KLF12: variants seen among roughly 807,000 people sequenced by gnomAD.
KLF12 encodes KLF transcription factor 12, also known as Krueppel-like factor 12.
A neutral mutation model predicts 37.8 loss-of-function variants in KLF12; 9 were observed. The ratio of observed to expected loss-of-function variants is 0.24; its 90% CI spans 0.14 to 0.42. The LOEUF (loss-of-function observed/expected upper bound fraction) is 0.42, where lower values mean the gene tolerates loss of function less well. Among genes scored for constraint, KLF12 ranks in the 10% least tolerant of loss-of-function variants. The pLI is 1.00. For missense variants in KLF12, 411 were observed against 516.0 expected, an observed-to-expected ratio of 0.80 and a Z score of 1.97; for synonymous variants, 208 against 202.1, an observed-to-expected ratio of 1.03 and a Z score of -0.25.
the KLF12 span, among the ~76,000 whole-genome samples, chr13:74,185,372 G>T: frequency 6.6e-6 from 1 of 152,272 alleles, no homozygotes; most frequent in African/African-American, 2.4e-5. Flanking sequence ...ATGGAGTGAG[G>T]CTGCCACATA....
chr13:73,915,816 G>A (rs1888801200), intron 3 of KLF12, among the ~76,000 whole-genome samples: 1 of 151,076 alleles, frequency 6.6e-6, no homozygotes, highest in Admixed American at 6.6e-5. Context: ...ACAGGCGTGA[G>A]CCACGGCGCC....
the KLF12 span, among the ~76,000 whole-genome samples, chr13:74,280,293 T>C: frequency 6.6e-6 from 1 of 152,198 alleles, no homozygotes; most frequent in Non-Finnish European, 1.5e-5. Flanking sequence ...TATGGTCTAA[T>C]GATCTTTTTG....
rs1891320603 is a variant in KLF12 at position 73,971,019 on chromosome 13, GT to G, written c.33+23970del. Among the ~76,000 whole-genome samples the G allele has an allele frequency of 3.3e-5, 5 of 152,218 alleles. No individual in the cohort carries two copies. In the South Asian group the frequency reaches 1.0e-3, roughly 32 times the overall value. On this transcript the variant is annotated intron_variant, in intron 2 of 7. Transcript: ENST00000377669. ...TTGAAAAACAGAAAAGTTGTCAGTA[GT>G]TTTCAAAGTTAAATTTTTATGGATT... is the stretch of plus-strand genomic sequence containing the variant.
At chr13:74,292,492 T>G in the KLF12 span, among the ~76,000 whole-genome samples, 1 of 152,000 alleles carries the variant, frequency 6.6e-6, no homozygotes, top group Non-Finnish European at 1.5e-5. Flanking sequence ...AACTTTGTTA[T>G]GTCCATAAGG....
intron 1 of KLF12, among the ~76,000 whole-genome samples, chr13:74,018,125 G>A (rs1892748534): frequency 1.3e-5 from 2 of 150,804 alleles, no homozygotes; most frequent in South Asian, 4.2e-4. Flanking sequence ...ACACGATTCA[G>A]CCATAATAAA....
At chr13:73,767,643 C>T (rs186035609) in intron 5 of KLF12, among the ~76,000 whole-genome samples, 151 of 152,358 alleles carry the variant, frequency 9.9e-4, no homozygotes, top group African/African-American at 3.3e-3. Context: ...TGTGTACCAA[C>T]TGTTCTATTT....
intron 6 of KLF12, among the ~76,000 whole-genome samples, chr13:73,756,092 C>CT (rs1357345014): frequency 6.6e-6 from 1 of 152,064 alleles, no homozygotes; most frequent in Non-Finnish European, 1.5e-5. Flanking sequence ...AGTCTTACCT[C>CT]TTGGGGATTC....
rs575328442 is a variant in KLF12 at position 73,901,744 on chromosome 13, G to A, written c.123+42237C>T. 7.2e-5 allele frequency among the ~76,000 whole-genome samples: 11 copies of A among 152,220 alleles called. No individual in the cohort carries two copies. In the East Asian group the frequency reaches 7.7e-4, roughly 11 times the overall value. ...GTTCCTTCTCTCCATTCTAAGCTCC[G>A]GAGGTCAGTGGCTTTCTAAAGTAAA... is the stretch of plus-strand genomic sequence containing the variant. On this transcript the variant is annotated intron_variant, in intron 3 of 7. Coordinates refer to ENST00000377669, the MANE Select transcript of KLF12 (RefSeq NM_007249.5).
At chr13:73,823,727 TG>T (rs1164750961) in intron 4 of KLF12, among the ~76,000 whole-genome samples, 1 of 151,788 alleles carries the variant, frequency 6.6e-6, no homozygotes, top group Admixed American at 6.6e-5. Context: ...TTCTTTTTTT[TG>T]AGAGAGAGTT....
chr13:73,780,133 C>A, intron 5 of KLF12, among the ~76,000 whole-genome samples: 3 of 152,304 alleles, frequency 2.0e-5, no homozygotes, highest in Middle Eastern at 6.8e-3. Context: ...CAATTTCAGA[C>A]TCCCACACCA....
chr13:74,009,679 C>T (rs1892501103), intron 1 of KLF12, among the ~76,000 whole-genome samples: 1 of 152,148 alleles, frequency 6.6e-6, no homozygotes. Context: ...ATGTATGGTC[C>T]TATAAGTACA....
the KLF12 span, among the ~76,000 whole-genome samples, chr13:74,152,922 AT>A: frequency 1.1e-4 from 16 of 148,248 alleles, no homozygotes; most frequent in South Asian, 6.3e-4. Flanking sequence ...AATAATAATA[AT>A]AATAATAAAA....
At position 73,744,588 on chromosome 13, in the gene KLF12, T is replaced by C. The variant is rs537801212; in HGVS notation, c.869+20350A>G. The stretch of plus-strand genomic sequence containing the variant: ...TCTAGTAATGGGGGGTTGTGGGGGG[T>C]GGCAGCAACAGCAAATGAAGCCAGA... On this transcript the variant is annotated intron_variant, in intron 6 of 7. Coordinates refer to ENST00000377669, the MANE Select transcript of KLF12 (RefSeq NM_007249.5). Among the ~76,000 whole-genome samples, 64 of 149,574 alleles carry C rather than the reference T, an allele frequency of 4.3e-4. No homozygotes were observed. In the South Asian group the frequency reaches 0.013, roughly 30 times the overall value.
chr13:73,765,315 G>T (rs1490175316), intron 5 of KLF12, among the ~76,000 whole-genome samples: 2 of 152,126 alleles, frequency 1.3e-5, no homozygotes, highest in African/African-American at 4.8e-5. Context: ...AGGTACAAGG[G>T]TGGGTAAAAG....
At chr13:73,964,468 C>G (rs544613043) in intron 2 of KLF12, among the ~76,000 whole-genome samples, 1 of 152,082 alleles carries the variant, frequency 6.6e-6, no homozygotes, top group Non-Finnish European at 1.5e-5. Flanking sequence ...TTCAGAAACA[C>G]TCTATAAGAA....
At chr13:73,772,545 A>G (rs1174915681) in intron 5 of KLF12, among the ~76,000 whole-genome samples, 47 of 152,244 alleles carry the variant, frequency 3.1e-4, no homozygotes, top group Admixed American at 2.9e-3. Context: ...TTCTGGAGAT[A>G]TGAAAAAGCA....
At chr13:74,047,466 G>A (rs1015357322) in intron 1 of KLF12, among the ~76,000 whole-genome samples, 2 of 151,698 alleles carry the variant, frequency 1.3e-5, no homozygotes, top group Non-Finnish European at 2.9e-5. Context: ...GCGTGGTGGC[G>A]GGGGCTTGTA....
chr13:73,924,175 A>C (rs1889262505), intron 3 of KLF12, among the ~76,000 whole-genome samples: 1 of 152,238 alleles, frequency 6.6e-6, no homozygotes. Flanking sequence ...GTACATAACG[A>C]AGTATATTAT....
the KLF12 span, among the ~76,000 whole-genome samples, chr13:74,220,717 T>C: frequency 4.7e-4 from 72 of 152,352 alleles, no homozygotes; most frequent in African/African-American, 1.4e-3. Context: ...TTCTCCTCTC[T>C]GCTTCTATGA....
Sources: allele counts gnomAD v4.1 joint callset (sites outside exome capture counted in the v4.1 genomes callset), GRCh38; gene constraint gnomAD v4.1.1; transcripts MANE v1.5; gene names NCBI Gene and HGNC (gene_info 2026-07-23, HGNC 2026-07-21).